Variants in FAAH2 observed in about 807,000 individuals in gnomAD.
FAAH2 encodes fatty-acid amide hydrolase 2.
In FAAH2, 60 loss-of-function variants were observed where a neutral mutation model predicts 36.9. That is an observed-to-expected ratio of 1.63 (90% CI 1.32 to 2.02). FAAH2 has a LOEUF of 2.02. Ranked by LOEUF, FAAH2 falls within the 30% of genes most tolerant of loss-of-function variation. FAAH2 has a pLI of 0.00. For synonymous variants in FAAH2, 214 were observed against 143.8 expected, an observed-to-expected ratio of 1.49 and a Z score of -3.49; for missense variants, 689 against 397.5, an observed-to-expected ratio of 1.73 and a Z score of -6.23.
chrX:57,399,312 T>G (rs1468781667), intron 7 of FAAH2, among the ~76,000 whole-genome samples: 3 of 111,848 alleles, frequency 2.7e-5, no homozygotes, highest in Admixed American at 1.9e-4. Flanking sequence ...AAATAATAAT[T>G]TGGCCATCTG....
At chrX:57,320,879 C>T (rs1291659194) in intron 3 of FAAH2, among the ~76,000 whole-genome samples, 1 of 112,138 alleles carries the variant, frequency 8.9e-6, no homozygotes, top group African/African-American at 3.2e-5. Flanking sequence ...TGGCTCACGC[C>T]TGTAATCCCA....
At chrX:57,445,604 G>A (rs1430093177) in intron 8 of FAAH2, among the ~76,000 whole-genome samples, 2 of 111,508 alleles carry the variant, frequency 1.8e-5, no homozygotes, top group Admixed American at 9.5e-5. Context: ...CACTAGAGTG[G>A]GTCTAGAAAG....
the FAAH2 span, among the ~76,000 whole-genome samples, chrX:57,227,346 T>C: frequency 9.0e-6 from 1 of 111,347 alleles, no homozygotes; most frequent in African/African-American, 3.3e-5. Flanking sequence ...GCTGTTCCCT[T>C]TATGTAGTAC....
At chrX:57,417,440 T>A (rs1278117331) in intron 7 of FAAH2, among the ~76,000 whole-genome samples, 1 of 112,071 alleles carries the variant, frequency 8.9e-6, no homozygotes, top group Non-Finnish European at 1.9e-5. Flanking sequence ...TTGATGTTGA[T>A]GCTATCCCTT....
chrX:57,403,452 A>C (rs1007792104), intron 7 of FAAH2, among the ~76,000 whole-genome samples: 3 of 112,613 alleles, frequency 2.7e-5, no homozygotes, highest in Non-Finnish European at 5.6e-5. Context: ...TTGCCTTTGC[A>C]CTCAGGGGCG....
At chrX:57,242,166 C>G in the FAAH2 span, among the ~76,000 whole-genome samples, 1 of 112,306 alleles carries the variant, frequency 8.9e-6, no homozygotes, top group Non-Finnish European at 1.9e-5. Context: ...GACTGGGAGA[C>G]AGCTCCCAGC....
At chrX:57,486,546 C>T (rs2057477687) in intron 10 of FAAH2, among the ~76,000 whole-genome samples, 1 of 111,829 alleles carries the variant, frequency 8.9e-6, no homozygotes, top group Non-Finnish European at 1.9e-5. Flanking sequence ...TGCCAAAATC[C>T]ATGTGCTCAT....
At chrX:57,154,381 A>G in the FAAH2 span, among the ~76,000 whole-genome samples, 1 of 105,764 alleles carries the variant, frequency 9.5e-6, no homozygotes, top group Non-Finnish European at 1.9e-5. Flanking sequence ...CTCTTGCCTC[A>G]GCCTCCTGAG....
chrX:57,388,735 A>G (rs182147501), intron 7 of FAAH2, among the ~76,000 whole-genome samples: 2 of 111,398 alleles, frequency 1.8e-5, no homozygotes, highest in African/African-American at 6.5e-5. Context: ...TTACCACTCA[A>G]AAAACTTCTG....
chrX:57,247,669 C>T, the FAAH2 span, among the ~76,000 whole-genome samples: 65 of 111,946 alleles, frequency 5.8e-4, no homozygotes, highest in African/African-American at 2.0e-3. Context: ...ATTTGTATTC[C>T]AGGCTGTAAG....
rs753503566 is a variant in FAAH2, at chrX:57,292,459, T to G, written c.193-39T>G. On this transcript the variant is annotated intron_variant, in intron 1 of 10. Coordinates refer to ENST00000374900, the MANE Select transcript of FAAH2 (RefSeq NM_174912.4). ...AATACTTGTTGAATGAATTGTTTAG[T>G]GAATAAATGGCTGCTGACTAAAGTA... The G allele has an allele frequency of 1.1e-5, 12 of 1,113,135 alleles. No individual in the cohort carries two copies. In the African/African-American group the frequency reaches 1.5e-4, roughly 13 times the overall value. The allele number at this position is 1,113,135 out of a possible 1,213,427, so 91.7% of individuals were successfully genotyped here.
At chrX:57,460,274 C>G (rs1602737271) in intron 10 of FAAH2, among the ~76,000 whole-genome samples, 1 of 111,494 alleles carries the variant, frequency 9.0e-6, no homozygotes, top group Non-Finnish European at 1.9e-5. Flanking sequence ...CCTAGCAAGA[C>G]ACACGAACAT....
chrX:57,126,566 A>G, the FAAH2 span, among the ~76,000 whole-genome samples: 1 of 112,313 alleles, frequency 8.9e-6, no homozygotes, highest in Non-Finnish European at 1.9e-5. Flanking sequence ...TCATCAATAG[A>G]CTGAGAATGA....
chrX:57,237,324 TA>T, the FAAH2 span, among the ~76,000 whole-genome samples: 1 of 111,610 alleles, frequency 9.0e-6, no homozygotes, highest in Non-Finnish European at 1.9e-5. Flanking sequence ...TTATTTGTTT[TA>T]TTTTTTATTC....
At chrX:57,481,453 G>A (rs1457924916) in intron 10 of FAAH2, among the ~76,000 whole-genome samples, 1 of 111,806 alleles carries the variant, frequency 8.9e-6, no homozygotes, top group Non-Finnish European at 1.9e-5. Context: ...TGATGTCGAT[G>A]TTGTTGCTTT....
At chrX:57,411,838 A>T (rs1001597310) in intron 7 of FAAH2, among the ~76,000 whole-genome samples, 1 of 111,831 alleles carries the variant, frequency 8.9e-6, no homozygotes, top group Non-Finnish European at 1.9e-5. Context: ...TTACTCTTGG[A>T]GTTTTTTGTT....
chrX:57,317,180 T>C (rs1473337390), intron 3 of FAAH2, among the ~76,000 whole-genome samples: 1 of 112,128 alleles, frequency 8.9e-6, no homozygotes, highest in East Asian at 2.8e-4. Flanking sequence ...TAGCCTTAAA[T>C]GTAAACGGGC....
chrX:57,175,483 A>G, the FAAH2 span, among the ~76,000 whole-genome samples: 1 of 111,747 alleles, frequency 8.9e-6, no homozygotes, highest in Non-Finnish European at 1.9e-5. Flanking sequence ...GACTCTCTGG[A>G]AGATAGCAGA....
the FAAH2 span, among the ~76,000 whole-genome samples, chrX:57,181,754 A>G: frequency 2.7e-5 from 3 of 112,237 alleles, no homozygotes; most frequent in African/African-American, 9.7e-5. Flanking sequence ...GAACCATAAA[A>G]AAGCCTGAAT....
Sources: allele counts gnomAD v4.1 joint callset (sites outside exome capture counted in the v4.1 genomes callset), GRCh38; gene constraint gnomAD v4.1.1; transcripts MANE v1.5; gene names NCBI Gene and HGNC (gene_info 2026-07-23, HGNC 2026-07-21).